Variants in ALMS1 observed in about 807,000 individuals in gnomAD.
ALMS1 encodes centrosome-associated protein ALMS1.
Under a neutral mutation model 352.2 loss-of-function variants are expected in ALMS1, and 271 were observed. The observed-to-expected ratio is 0.77, with a 90% CI of 0.70 to 0.85. The LOEUF (loss-of-function observed/expected upper bound fraction) is 0.85. Among genes scored for constraint, ALMS1 ranks in the 40% least tolerant of loss-of-function variants. The pLI is 0.00. For synonymous variants in ALMS1, 1,865 were observed against 1,761.2 expected (o/e 1.06, Z -1.48); for missense variants, 5,445 against 4,870.7 (o/e 1.12, Z -3.51).
At chr2:73,603,335 A>C in intron 21 of ALMS1, 31 bp downstream of exon 21, 4 of 1,608,164 alleles carry the variant, frequency 2.5e-6, no homozygotes, top group Non-Finnish European at 3.4e-6. Context: ...GTACGTATAC[A>C]AGTGTAAACC....
intron 14 of ALMS1, 78 bp downstream of exon 14, chr2:73,557,432 G>A: frequency 6.3e-7 from 1 of 1,575,864 alleles, no homozygotes; most frequent in Non-Finnish European, 8.7e-7. Flanking sequence ...AACAGAAACA[G>A]AAATATATTC....
intron 9 of ALMS1, among the ~76,000 whole-genome samples, chr2:73,474,371 CTGTGTGTGTGTGTGTGTGTGTGTG>C (rs377039331): frequency 0.026 from 2,493 of 95,556 alleles, 74 homozygotes; most frequent in African/African-American, 0.079. Context: ...CTTGTTGACT[CTGTGTGTGTGTGTGTGTGTGTGTG>C]TGTGTGTGTG....
chr2:73,588,227 C>T (rs945003079), intron 16 of ALMS1, among the ~76,000 whole-genome samples: 6 of 152,140 alleles, frequency 3.9e-5, no homozygotes, highest in Non-Finnish European at 7.4e-5. Context: ...ACTGTTGACT[C>T]GCTCTTTCTG....
At chr2:73,508,884 G>T (rs773315031) in intron 10 of ALMS1, among the ~76,000 whole-genome samples, 15 of 152,290 alleles carry the variant, frequency 9.8e-5, no homozygotes, top group Admixed American at 6.5e-4. Context: ...CTAAGAACTT[G>T]CTTTATGAAT....
chr2:73,472,409 TATG>T (rs1233723849), intron 9 of ALMS1, among the ~76,000 whole-genome samples: 3 of 152,080 alleles, frequency 2.0e-5, no homozygotes, highest in African/African-American at 7.2e-5. Context: ...ATACCTCAAA[TATG>T]ATAAAGAATA....
At chr2:73,544,696 A>C (rs942830972) in intron 12 of ALMS1, among the ~76,000 whole-genome samples, 1 of 152,184 alleles carries the variant, frequency 6.6e-6, no homozygotes, top group Non-Finnish European at 1.5e-5. Context: ...CAGTAATTCC[A>C]CTTTTAAATA....
At chr2:73,603,355 A>C in intron 21 of ALMS1, 51 bp downstream of exon 21, 1 of 1,550,814 alleles carries the variant, frequency 6.4e-7, no homozygotes, top group Non-Finnish European at 8.9e-7. Context: ...CAGGCCACCA[A>C]GTGGTCGGGA....
At chr2:73,465,239 A>T (rs1186840349) in intron 9 of ALMS1, among the ~76,000 whole-genome samples, 3 of 152,050 alleles carry the variant, frequency 2.0e-5, no homozygotes, top group Non-Finnish European at 4.4e-5. Flanking sequence ...TTCAAACTAT[A>T]CTACAAGGCT....
At chr2:73,527,432 C>T (rs376919563) in intron 11 of ALMS1, among the ~76,000 whole-genome samples, 26 of 152,098 alleles carry the variant, frequency 1.7e-4, no homozygotes, top group African/African-American at 6.0e-4. Context: ...CTTTTTATTA[C>T]AACTTTTACC....
intron 10 of ALMS1, among the ~76,000 whole-genome samples, chr2:73,509,179 C>T (rs911463307): frequency 2.6e-5 from 4 of 151,966 alleles, no homozygotes; most frequent in African/African-American, 7.3e-5. Flanking sequence ...TACAGCACAC[C>T]AATGGGTCTT....
Position 73,608,474 on chromosome 2 carries a change from G to A in ALMS1, c.12363-1G>A, listed in dbSNP as rs1466815869. 1 of 1,612,930 alleles carries A rather than the reference G, an allele frequency of 6.2e-7. No individual in the cohort carries two copies. Among genetic ancestry groups the A allele is most frequent in the Admixed American group, 1.7e-5 (1 of 60,012 alleles). ...GTCCTTTCACTGGTGCCATTTCTAA[G>A]GATTTATGAGCAGCTTCCAGAAGTA... On this transcript the variant is annotated splice_acceptor_variant, in intron 21 of 22. Transcript: ENST00000613296. LOFTEE classifies it high-confidence loss of function.
At chr2:73,524,003 C>T (rs1673739316) in intron 11 of ALMS1, among the ~76,000 whole-genome samples, 1 of 152,120 alleles carries the variant, frequency 6.6e-6, no homozygotes, top group South Asian at 2.1e-4. Flanking sequence ...ATTGAAAATT[C>T]ATAATCATAT....
intron 10 of ALMS1, among the ~76,000 whole-genome samples, chr2:73,496,482 C>T (rs1436440030): frequency 6.6e-6 from 1 of 152,118 alleles, no homozygotes; most frequent in African/African-American, 2.4e-5. Flanking sequence ...TATCCATTCA[C>T]TCACTGAAGG....
intron 12 of ALMS1, among the ~76,000 whole-genome samples, chr2:73,537,358 C>G (rs1243268633): frequency 6.6e-6 from 1 of 152,080 alleles, no homozygotes; most frequent in Non-Finnish European, 1.5e-5. Context: ...CAGGAAAGAC[C>G]CAAGGCGCTA....
chr2:73,549,440 G>T (rs1445921634), intron 12 of ALMS1, among the ~76,000 whole-genome samples: 1 of 151,858 alleles, frequency 6.6e-6, no homozygotes, highest in Admixed American at 6.6e-5. Flanking sequence ...CTTCAGCTTG[G>T]GATCCCATGC....
At position 73,424,589 on chromosome 2, in the gene ALMS1, T is replaced by C. The variant is rs1202500351; in HGVS notation, c.924T>C (p.Ser308=). Residue 308 remains serine, a synonymous_variant, in exon 5 of 23, where the codon TCT becomes TCC. Coordinates refer to ENST00000613296, the MANE Select transcript of ALMS1 (RefSeq NM_001378454.1). ...TTATAGGCAGCACAGCTGTTGGGTCTCAGTGCCCTTTTTTACCTTCTGAAC... is the reference window on the plus strand; with the variant it reads ...TTATAGGCAGCACAGCTGTTGGGTCCCAGTGCCCTTTTTTACCTTCTGAAC... ...HPLIGSTAVG[S]QCPFLPSEQG... 2.5e-6 allele frequency: 4 copies of C among 1,614,038 alleles called. No homozygotes were observed. The South Asian group carries it at 4.4e-5, about 18-fold the overall frequency.
chr2:73,490,590 T>C lies in ALMS1; in HGVS notation c.8631T>C (p.Pro2877=). Residue 2877 remains proline, a synonymous_variant, in exon 10 of 23, where the codon CCT becomes CCC. Coordinates refer to ENST00000613296, the MANE Select transcript of ALMS1 (RefSeq NM_001378454.1). ...EKNVTITPDL[P]SCIFLEQREL... is the part of the protein sequence containing the mutation. ...ATGTAACTATAACTCCAGATCTTCC[T>C]TCTTGCATTTTTCTTGAACAACGAG... 1 of 1,614,180 alleles carries C rather than the reference T, an allele frequency of 6.2e-7. No individual in the cohort carries two copies. The highest frequency in any genetic ancestry group is 1.1e-5 in the South Asian group (1 of 91,078).
chr2:73,564,881 T>C (rs957413739), intron 15 of ALMS1, among the ~76,000 whole-genome samples: 6 of 152,220 alleles, frequency 3.9e-5, no homozygotes, highest in African/African-American at 1.2e-4. Flanking sequence ...CCTCAGAATT[T>C]ATAACCACAA....
At position 73,490,124 on chromosome 2, in the gene ALMS1, A is replaced by G; in HGVS notation, c.8165A>G (p.His2722Arg). The change falls in exon 10 of 23, where the codon CAT becomes CGT. Residue 2722 changes from histidine (H) to arginine (R), a missense_variant. Transcript: ENST00000613296. ...TTSITFSSHR[H>R]SKCISNSSVV... ...TCCATCACTTTTTCATCTCACCGACATTCTAAATGCATTTCCAATTCCTCT... is the reference window on the plus strand; with the variant it reads ...TCCATCACTTTTTCATCTCACCGACGTTCTAAATGCATTTCCAATTCCTCT... The G allele has an allele frequency of 1.2e-6, 2 of 1,614,162 alleles. No individual in the cohort carries two copies. The highest frequency in any genetic ancestry group is 1.7e-6 in the Non-Finnish European group (2 of 1,180,030).
Sources: gnomAD v4.1 joint callset for allele counts (sites outside exome capture counted in the v4.1 genomes callset) on GRCh38, gnomAD v4.1.1 for gene constraint, MANE v1.5 for transcripts, NCBI Gene and HGNC (gene_info 2026-07-23, HGNC 2026-07-21) for gene names.